The following HPRT1 variants were observed in gnomAD, a reference collection of about 807,000 sequenced individuals.
HPRT1 encodes the protein hypoxanthine-guanine phosphoribosyltransferase.
A neutral mutation model predicts 19.0 loss-of-function variants in HPRT1; 4 were observed. That is an observed-to-expected ratio of 0.21 (90% confidence interval 0.10 to 0.48). The LOEUF is 0.48. HPRT1 is among the 20% of genes least tolerant of loss of function. The pLI is 0.98. For synonymous variants in HPRT1, 53 were observed against 54.9 expected (o/e 0.97, Z 0.15); for missense variants, 65 against 164.0 (o/e 0.40, Z 3.30).
At chrX:134,493,677 C>T in intron 6 of HPRT1, 87 bp downstream of exon 6, 1 of 623,842 alleles carries the variant, frequency 1.6e-6, no homozygotes, top group Non-Finnish European at 2.8e-6. Context: ...ATGTTTTCAA[C>T]TGTCATTTTA....
At chrX:134,475,799 T>A (rs1353252223) in intron 3 of HPRT1, among the ~76,000 whole-genome samples, 13 of 111,211 alleles carry the variant, frequency 1.2e-4, no homozygotes, top group East Asian at 2.8e-4. Flanking sequence ...CCTTTTTTTT[T>A]AACACACTTA....
intron 1 of HPRT1, among the ~76,000 whole-genome samples, chrX:134,471,954 G>A (rs754623434): frequency 9.1e-6 from 1 of 109,612 alleles, no homozygotes; most frequent in African/African-American, 3.3e-5. Context: ...TTTTCTTGTG[G>A]TTTTTTTTGT....
intron 8 of HPRT1, 129 bp downstream of exon 8, chrX:134,498,813 C>A: frequency 1.9e-6 from 1 of 533,403 alleles, no homozygotes; most frequent in Non-Finnish European, 3.3e-6. Flanking sequence ...TCACATAAAG[C>A]TGTAGTCTAG....
At chrX:134,469,583 G>C (rs1463036933) in intron 1 of HPRT1, among the ~76,000 whole-genome samples, 1 of 111,671 alleles carries the variant, frequency 9.0e-6, no homozygotes, top group Non-Finnish European at 1.9e-5. Flanking sequence ...ATTCTTAGTC[G>C]ATCTGCAGAA....
intron 1 of HPRT1, among the ~76,000 whole-genome samples, chrX:134,467,053 T>C (rs1280035619): frequency 1.1e-5 from 1 of 95,053 alleles, no homozygotes; most frequent in East Asian, 3.3e-4. Context: ...TTTTTTTTTT[T>C]TTTTTTTTTG....
At chrX:134,480,766 T>G (rs1315970000) in intron 3 of HPRT1, among the ~76,000 whole-genome samples, 2 of 92,171 alleles carry the variant, frequency 2.2e-5, no homozygotes, top group African/African-American at 7.9e-5. Flanking sequence ...TAACTTAAAA[T>G]ACACACACAC....
chrX:134,480,378 T>C (rs1371824093), intron 3 of HPRT1, among the ~76,000 whole-genome samples: 2 of 110,963 alleles, frequency 1.8e-5, no homozygotes, highest in Non-Finnish European at 3.8e-5. Flanking sequence ...CAGAATTCAT[T>C]TTGCCAATTA....
At chrX:134,481,519 CTATCTAT>C (rs2077640276) in intron 3 of HPRT1, among the ~76,000 whole-genome samples, 1 of 104,767 alleles carries the variant, frequency 9.5e-6, no homozygotes, top group Non-Finnish European at 1.9e-5. Context: ...ATCTATCTAT[CTATCTAT>C]CTATCTATCT....
rs2077691875 is a variant in HPRT1, at chrX:134,500,171, G to T, written c.*94G>T. 5 of 619,117 alleles carry T rather than the reference G, an allele frequency of 8.1e-6. No homozygotes were observed. The highest frequency in any genetic ancestry group is 1.1e-5 in the Non-Finnish European group (4 of 363,689). The allele number at this position is 619,117 out of a possible 1,213,427, so 51.0% of individuals were successfully genotyped here. On this transcript the variant is annotated 3_prime_UTR_variant, in exon 9 of 9. Coordinates refer to ENST00000298556, the MANE Select transcript of HPRT1 (RefSeq NM_000194.3). Reference sequence around the variant, plus strand: ...TTCTAGTTCTGTGGCCATCTGCTTAGTAGAGCTTTTTGCATGTATCTTCTA... The same window carrying T: ...TTCTAGTTCTGTGGCCATCTGCTTATTAGAGCTTTTTGCATGTATCTTCTA...
At chrX:134,468,325 T>C (rs2077602376) in intron 1 of HPRT1, among the ~76,000 whole-genome samples, 1 of 110,457 alleles carries the variant, frequency 9.1e-6, no homozygotes, top group African/African-American at 3.3e-5. Flanking sequence ...TAAGAATTAG[T>C]ATTTGATGGC....
At chrX:134,499,718 G>A (rs1410806510) in intron 8 of HPRT1, among the ~76,000 whole-genome samples, 12 of 106,760 alleles carry the variant, frequency 1.1e-4, no homozygotes, top group South Asian at 4.2e-4. Context: ...GCAGGAGAAT[G>A]GCGTGAACCC....
intron 4 of HPRT1, 119 bp downstream of exon 4, chrX:134,486,649 C>T (rs765902308): frequency 1.2e-5 from 6 of 503,795 alleles, no homozygotes; most frequent in Non-Finnish European, 1.4e-5. Flanking sequence ...GGTTATTTAA[C>T]CCTTGGAAGC....
intron 6 of HPRT1, among the ~76,000 whole-genome samples, chrX:134,497,709 G>C (rs933306337): frequency 9.0e-6 from 1 of 111,315 alleles, no homozygotes; most frequent in Non-Finnish European, 1.9e-5. Context: ...CACTTTGGGA[G>C]ACCGAGGTGG....
chrX:134,471,331 T>C (rs1238872024), intron 1 of HPRT1, among the ~76,000 whole-genome samples: 2 of 111,716 alleles, frequency 1.8e-5, no homozygotes, highest in Non-Finnish European at 3.8e-5. Flanking sequence ...TATAGGTACA[T>C]ATATAGTATT....
At chrX:134,488,864 T>G (rs1443788602) in intron 4 of HPRT1, among the ~76,000 whole-genome samples, 1 of 112,054 alleles carries the variant, frequency 8.9e-6, no homozygotes, top group Non-Finnish European at 1.9e-5. Context: ...TTGACCCTAT[T>G]TTTTGTATTC....
intron 8 of HPRT1, among the ~76,000 whole-genome samples, chrX:134,499,580 G>A (rs935480580): frequency 1.2e-4 from 13 of 111,002 alleles, no homozygotes; most frequent in African/African-American, 2.6e-4. Context: ...TGAGGCGGGC[G>A]GATCACAAGG....
At chrX:134,469,209 G>A (rs1178640129) in intron 1 of HPRT1, among the ~76,000 whole-genome samples, 1 of 110,762 alleles carries the variant, frequency 9.0e-6, no homozygotes, top group Non-Finnish European at 1.9e-5. Flanking sequence ...ATATATATAT[G>A]TGTGCATATA....
At chrX:134,465,826 T>TA (rs2077595509) in intron 1 of HPRT1, among the ~76,000 whole-genome samples, 1 of 111,763 alleles carries the variant, frequency 8.9e-6, no homozygotes. Context: ...ATCTGGAGAG[T>TA]AACCACGTTT....
chrX:134,486,352 C>A (rs866444649), intron 3 of HPRT1, 113 bp from the exon 4 acceptor site: 4 of 341,988 alleles, frequency 1.2e-5, no homozygotes, highest in Non-Finnish European at 2.0e-5. Flanking sequence ...TAGCTAACTT[C>A]TCAAATCTTC....
Sources: gnomAD v4.1 joint callset for allele counts (sites outside exome capture counted in the v4.1 genomes callset) on GRCh38, gnomAD v4.1.1 for gene constraint, MANE v1.5 for transcripts, NCBI Gene and HGNC (gene_info 2026-07-23, HGNC 2026-07-21) for gene names.